SLC11A2: variants seen among roughly 807,000 people sequenced by gnomAD.
The protein encoded by SLC11A2 is solute carrier family 11 member 2, also known as natural resistance-associated macrophage protein 2.
Under a neutral mutation model 68.0 loss-of-function variants are expected in SLC11A2, and 38 were observed. The observed-to-expected ratio is 0.56, with a 90% CI of 0.43 to 0.73. SLC11A2 has a LOEUF of 0.73. Ranked by LOEUF, SLC11A2 falls within the 30% of genes least tolerant of loss-of-function variation. The pLI is 0.00. For missense variants in SLC11A2, 517 were observed against 690.5 expected, an observed-to-expected ratio of 0.75 and a Z score of 2.82; for synonymous variants, 242 against 250.6, an observed-to-expected ratio of 0.97 and a Z score of 0.32.
chr12:51,020,902 C>T (rs1008514755), intron 1 of SLC11A2, among the ~76,000 whole-genome samples: 5 of 151,842 alleles, frequency 3.3e-5, no homozygotes, highest in African/African-American at 7.2e-5. Flanking sequence ...CCAGCCTGGG[C>T]GACATAGTGA....
At chr12:50,962,943 G>A in the SLC11A2 span, among the ~76,000 whole-genome samples, 1 of 152,114 alleles carries the variant, frequency 6.6e-6, no homozygotes. Flanking sequence ...TGTTTGAGGA[G>A]AAAAGCAACA....
chr12:50,992,447 G>T, intron 12 of SLC11A2, 108 bp from the exon 13 acceptor site: 1 of 1,048,820 alleles, frequency 9.5e-7, no homozygotes, highest in South Asian at 1.4e-5. Flanking sequence ...AGTGACAAAA[G>T]GGGCCAGGCG....
At chr12:50,960,306 A>G in the SLC11A2 span, among the ~76,000 whole-genome samples, 1 of 152,222 alleles carries the variant, frequency 6.6e-6, no homozygotes, top group African/African-American at 2.4e-5. Context: ...GGAAGAGAAG[A>G]GTAAAGCCAA....
At chr12:50,959,051 T>C in the SLC11A2 span, among the ~76,000 whole-genome samples, 1 of 152,116 alleles carries the variant, frequency 6.6e-6, no homozygotes, top group African/African-American at 2.4e-5. Context: ...ATGCACACTT[T>C]TACTGTGCAA....
the SLC11A2 span, among the ~76,000 whole-genome samples, chr12:50,965,426 G>A: frequency 3.3e-5 from 5 of 151,794 alleles, no homozygotes; most frequent in Admixed American, 1.3e-4. Flanking sequence ...CCCAGCCACT[G>A]GTTTACTATT....
Position 50,987,808 on chromosome 12 carries a change from T to C in SLC11A2, c.*517A>G, listed in dbSNP as rs1467378043. ...TAGAGCTAGGTGTCTCTTCATTTTATATTTCATATGGATGAAGCTATTCTA... is the reference window on the plus strand; with the variant it reads ...TAGAGCTAGGTGTCTCTTCATTTTACATTTCATATGGATGAAGCTATTCTA... On this transcript the variant is annotated 3_prime_UTR_variant, in exon 16 of 16. Transcript: ENST00000262052. 7.9e-7 allele frequency: 1 copy of C among 1,267,502 alleles called. No individual in the cohort carries two copies. Among genetic ancestry groups the C allele is most frequent in the South Asian group, 1.3e-5 (1 of 77,248 alleles). The allele number at this position is 1,267,502 out of a possible 1,614,324, so 78.5% of individuals were successfully genotyped here. A position where few individuals can be genotyped will look rare whatever the true frequency, so the allele number is the denominator to read the frequency against.
downstream of SLC11A2, chr12:50,981,843 A>C (rs1005610440): frequency 1.6e-6 from 2 of 1,223,602 alleles, no homozygotes; most frequent in Non-Finnish European, 2.2e-6. Context: ...ACTGATTTTC[A>C]CGTATTTATT....
intron 1 of SLC11A2, among the ~76,000 whole-genome samples, chr12:51,016,875 G>T (rs365675): frequency 1.5e-5 from 2 of 134,600 alleles, no homozygotes; most frequent in South Asian, 2.4e-4. Flanking sequence ...AAAAAAATTA[G>T]TTGGGTGTGG....
intron 10 of SLC11A2, chr12:50,995,100 C>T (rs1216945582): frequency 4.3e-6 from 1 of 231,704 alleles, no homozygotes; most frequent in Non-Finnish European, 8.5e-6. Context: ...CACTTGAGGT[C>T]AGGAGTTTGA....
intron 1 of SLC11A2, chr12:51,014,110 C>T (rs1943444038): frequency 6.6e-6 from 1 of 152,330 alleles, no homozygotes; most frequent in South Asian, 2.1e-4. Flanking sequence ...GCATGAGCCA[C>T]TGCCCCTGGA....
chr12:50,999,262 G>C lies in SLC11A2; in HGVS notation c.608-21C>G, dbSNP rs1359656162. 4 of 1,613,760 alleles carry C rather than the reference G, an allele frequency of 2.5e-6. No individual in the cohort carries two copies. In the East Asian group the frequency reaches 8.9e-5, roughly 36 times the overall value. On this transcript the variant is annotated intron_variant, in intron 7 of 15. Transcript: ENST00000262052. The stretch of plus-strand genomic sequence containing the variant: ...CAAGCCTAAAGGAAAAAAGGCAGCA[G>C]TGAGCTCAGAGAAGGTAGACTTCCC...
At chr12:50,971,762 CT>C in the SLC11A2 span, among the ~76,000 whole-genome samples, 2 of 152,226 alleles carry the variant, frequency 1.3e-5, no homozygotes, top group Non-Finnish European at 2.9e-5. Flanking sequence ...CTGGTGGGTA[CT>C]TCCTTTTCCT....
intron 1 of SLC11A2, among the ~76,000 whole-genome samples, chr12:51,011,509 C>A (rs1053134292): frequency 1.3e-5 from 2 of 151,194 alleles, no homozygotes; most frequent in African/African-American, 4.9e-5. Flanking sequence ...CAAATTATCC[C>A]AAGTGTCTAA....
downstream of SLC11A2, among the ~76,000 whole-genome samples, chr12:50,978,506 G>T (rs572397709): frequency 2.8e-5 from 3 of 106,680 alleles, no homozygotes; most frequent in East Asian, 6.9e-4. Context: ...GTGGGGGGAG[G>T]GGGGAGGGAT....
the SLC11A2 span, among the ~76,000 whole-genome samples, chr12:50,963,412 A>G: frequency 6.6e-6 from 1 of 151,664 alleles, no homozygotes; most frequent in Non-Finnish European, 1.5e-5. Flanking sequence ...AAGAAAGGAA[A>G]GTAGAAGCAA....
the SLC11A2 span, among the ~76,000 whole-genome samples, chr12:50,968,654 C>T: frequency 1.3e-5 from 2 of 152,050 alleles, no homozygotes; most frequent in African/African-American, 4.8e-5. Flanking sequence ...TGATTCTCCT[C>T]ACTTTGCCTC....
intron 1 of SLC11A2, among the ~76,000 whole-genome samples, chr12:51,011,803 C>G (rs752959221): frequency 6.6e-6 from 1 of 151,738 alleles, no homozygotes; most frequent in African/African-American, 2.4e-5. Flanking sequence ...CCTCATGATC[C>G]GCCCACCCCA....
chr12:51,021,356 T>G (rs1267579862), intron 1 of SLC11A2, among the ~76,000 whole-genome samples: 1 of 152,146 alleles, frequency 6.6e-6, no homozygotes, highest in Non-Finnish European at 1.5e-5. Flanking sequence ...CCAGGCGCGG[T>G]GGCTCACACC....
chr12:50,980,582 T>A (rs1288179963), downstream of SLC11A2: 1 of 152,142 alleles, frequency 6.6e-6, no homozygotes, highest in African/African-American at 2.4e-5. Flanking sequence ...AAAAAAAATC[T>A]ATACATGTAG....
Sources: allele counts gnomAD v4.1 joint callset (sites outside exome capture counted in the v4.1 genomes callset), GRCh38; gene constraint gnomAD v4.1.1; transcripts MANE v1.5; gene names NCBI Gene and HGNC (gene_info 2026-07-23, HGNC 2026-07-21).